R3HDM4: variants seen among roughly 807,000 people sequenced by gnomAD.
R3HDM4 encodes the protein R3H domain containing 4.
Under a neutral mutation model 31.3 loss-of-function variants are expected in R3HDM4, and 30 were observed. The observed-to-expected ratio is 0.96, with a 90% confidence interval of 0.72 to 1.30. The LOEUF (loss-of-function observed/expected upper bound fraction) is 1.30. Among genes scored for constraint, R3HDM4 ranks in the 50% most tolerant of loss-of-function variants. The pLI, the probability that R3HDM4 is intolerant of heterozygous loss-of-function variation, is 0.00. For missense variants in R3HDM4, 444 were observed against 366.1 expected (o/e 1.21, Z -1.74); for synonymous variants, 196 against 156.6 (o/e 1.25, Z -1.88).
chr19:897,331 A>T lies in R3HDM4; in HGVS notation c.*106T>A. Reference sequence around the variant, plus strand: ...TGAGAGAGACCACCCCAAGCGAAAAAGGTTTCCGAGGACAAATTCTAAAAA... The same window carrying T: ...TGAGAGAGACCACCCCAAGCGAAAATGGTTTCCGAGGACAAATTCTAAAAA... On this transcript the variant is annotated 3_prime_UTR_variant, in exon 8 of 8. Transcript: ENST00000361574. 1.2e-6 allele frequency: 1 copy of T among 858,886 alleles called. No homozygotes were observed. Among genetic ancestry groups the T allele is most frequent in the Non-Finnish European group, 1.8e-6 (1 of 564,634 alleles). The allele number at this position is 858,886 out of a possible 1,614,324, so 53.2% of individuals were successfully genotyped here.
intron 1 of R3HDM4, among the ~76,000 whole-genome samples, chr19:906,070 G>C (rs1236218779): frequency 6.6e-6 from 1 of 152,012 alleles, no homozygotes; most frequent in African/African-American, 2.4e-5. Flanking sequence ...TGTCACCCAG[G>C]CTGGAGCGCA....
chr19:897,587 G>A (rs374928863), intron 7 of R3HDM4, 47 bp from the exon 8 acceptor site: 107 of 1,479,052 alleles, frequency 7.2e-5, no homozygotes, highest in Admixed American at 2.1e-4. Flanking sequence ...TTTGGGAGCC[G>A]CGGCAGGTAG....
rs948719225 is a variant in R3HDM4, at chr19:899,138, T to C, written c.703+302A>G. Among the ~76,000 whole-genome samples, 1 of 151,404 alleles carries C rather than the reference T, an allele frequency of 6.6e-6. No individual in the cohort carries two copies. Among genetic ancestry groups the C allele is most frequent in the African/African-American group, 2.4e-5 (1 of 41,100 alleles). On this transcript the variant is annotated intron_variant, in intron 7 of 7. Coordinates refer to ENST00000361574, the MANE Select transcript of R3HDM4 (RefSeq NM_138774.4). The surrounding 1 kb of genome is among the most constrained non-coding windows in gnomAD (Gnocchi z 6.8). ...CCATCTTATCTCTGGCTCTGGGAGG[T>C]CCCTCAAATCCAGGCTTCATCACCC...
At chr19:898,852 C>A (rs2036781419) in intron 7 of R3HDM4, among the ~76,000 whole-genome samples, 1 of 152,184 alleles carries the variant, frequency 6.6e-6, no homozygotes, top group Non-Finnish European at 1.5e-5. Context: ...CAGAGGGAGG[C>A]ATCGTCCGGT....
intron 7 of R3HDM4, among the ~76,000 whole-genome samples, chr19:898,840 AAC>A: frequency 6.6e-6 from 1 of 152,200 alleles, no homozygotes; most frequent in South Asian, 2.1e-4. Flanking sequence ...CCACAGAGGG[AAC>A]AGAGGGAGGC....
At chr19:897,988 C>A (rs2036762920) in intron 7 of R3HDM4, among the ~76,000 whole-genome samples, 1 of 152,132 alleles carries the variant, frequency 6.6e-6, no homozygotes, top group Non-Finnish European at 1.5e-5. Context: ...AATGACCTGG[C>A]CAGGCGCAGT....
At chr19:898,884 G>A (rs1198289332) in intron 7 of R3HDM4, among the ~76,000 whole-genome samples, 3 of 152,240 alleles carry the variant, frequency 2.0e-5, no homozygotes, top group African/African-American at 4.8e-5. Context: ...CTGTCACCTC[G>A]GCAACTCCAG....
chr19:898,230 AT>A (rs66805635), intron 7 of R3HDM4, among the ~76,000 whole-genome samples: 30,071 of 123,914 alleles, frequency 0.24, 4,131 homozygotes, highest in African/African-American at 0.45. Context: ...AAAAAAAAAA[AT>A]ATATATATAT....
chr19:900,780 C>T (rs767581362), intron 4 of R3HDM4, 49 bp downstream of exon 4: 13 of 1,102,284 alleles, frequency 1.2e-5, no homozygotes, highest in East Asian at 9.2e-5. Flanking sequence ...AGGCCACGCC[C>T]CCATCCATAC....
intron 2 of R3HDM4, 75 bp downstream of exon 2, chr19:901,901 A>C (rs1226809736): frequency 6.4e-7 from 1 of 1,562,054 alleles, no homozygotes; most frequent in East Asian, 2.2e-5. Context: ...GGGAGGGGTA[A>C]CAGATAACAC....
rs773699614 is a variant in R3HDM4, at chr19:902,035, C to A, written c.167G>T (p.Arg56Leu). Reference sequence around the variant, plus strand: ...GGCCTTGGGCACGAGGTCTGAGTTCCGCACTGCCTGGTTGATGAAGTGCTG... The same window carrying A: ...GGCCTTGGGCACGAGGTCTGAGTTCAGCACTGCCTGGTTGATGAAGTGCTG... ...RKQHFINQAV[R>L]NSDLVPKAKG... The change falls in exon 2 of 8, where the codon CGG (arginine) becomes CTG (leucine). Residue 56 changes from arginine (R) to leucine (L), a missense_variant. Arg to Leu is a moderately radical substitution (Grantham distance 102). Coordinates refer to ENST00000361574, the MANE Select transcript of R3HDM4 (RefSeq NM_138774.4). 2 of 1,613,832 alleles carry A rather than the reference C, an allele frequency of 1.2e-6. No homozygotes were observed. The highest frequency in any genetic ancestry group is 2.2e-5 in the East Asian group (1 of 44,900).
rs138403017 is a variant in R3HDM4, at chr19:902,857, G to A, written c.72-727C>T. Among the ~76,000 whole-genome samples, 23 of 152,116 alleles carry A rather than the reference G, an allele frequency of 1.5e-4. No homozygotes were observed. In the East Asian group the frequency reaches 4.2e-3, roughly 28 times the overall value. ...CTCAGGAGGCTGAAGTGAGAGAATC[G>A]CTTGAACCCGGGAGGCAGATGCTCC... On this transcript the variant is annotated intron_variant, in intron 1 of 7. Transcript: ENST00000361574.
In R3HDM4 at chr19:913,210, G is replaced by C. The variant is rs1370274429; in HGVS notation, c.-53C>G. The C allele has an allele frequency of 2.9e-6, 3 of 1,050,928 alleles. No homozygotes were observed. The highest frequency in any genetic ancestry group is 3.4e-6 in the Non-Finnish European group (3 of 873,418). 65.1% of individuals were successfully genotyped at this position (1,050,928 alleles called of 1,614,324 possible). On this transcript the variant is annotated 5_prime_UTR_variant, in exon 1 of 8. Transcript: ENST00000361574. This position sits in a 1 kb window ranked among gnomAD's most constrained non-coding sequence, Gnocchi z 5.0. ...GCCCGGCAGGGCCTTCACCGGGCCG[G>C]GCAGGAAGTGACGGGCGCCCGGAGG...
In R3HDM4 at chr19:899,909, G is replaced by A. The variant is rs1310599622; in HGVS notation, c.561+152C>T. The stretch of plus-strand genomic sequence containing the variant: ...TGCAGTGCCCGCCTTCGTTGCCCCC[G>A]CCCTCCTACTCAGGGCCCTGGTGCC... On this transcript the variant is annotated intron_variant, in intron 5 of 7. Coordinates refer to ENST00000361574, the MANE Select transcript of R3HDM4 (RefSeq NM_138774.4). The surrounding 1 kb of genome is among the most constrained non-coding windows in gnomAD (Gnocchi z 6.8). The A allele has an allele frequency of 2.4e-5, 21 of 857,830 alleles. No homozygotes were observed. Among genetic ancestry groups the A allele is most frequent in the Middle Eastern group, 2.6e-4 (1 of 3,856 alleles). 53.1% of individuals were successfully genotyped at this position (857,830 alleles called of 1,614,324 possible). A position where few individuals can be genotyped will look rare whatever the true frequency, so the allele number is the denominator to read the frequency against.
In R3HDM4 at chr19:900,289, T is replaced by C. The variant is rs992440854; in HGVS notation, c.476-143A>G. On this transcript the variant is annotated intron_variant, in intron 4 of 7. Coordinates refer to ENST00000361574, the MANE Select transcript of R3HDM4 (RefSeq NM_138774.4). ...CACCAAACCACACCTTCAACGATAC[T>C]GTGGCCCCATCCAGCCAGCAGACCC... 10 of 620,978 alleles carry C rather than the reference T, an allele frequency of 1.6e-5. No homozygotes were observed. In the Admixed American group the frequency reaches 2.0e-4, roughly 12 times the overall value. 38.5% of individuals were successfully genotyped at this position (620,978 alleles called of 1,614,324 possible). A position where few individuals can be genotyped will look rare whatever the true frequency, so the allele number is the denominator to read the frequency against.
In R3HDM4 at chr19:900,955, G is replaced by A; in HGVS notation, c.352-3C>T. On this transcript the variant is annotated splice_polypyrimidine_tract_variant and splice_region_variant and intron_variant, in intron 3 of 7. Coordinates refer to ENST00000361574, the MANE Select transcript of R3HDM4 (RefSeq NM_138774.4). ...CGGTTCATGAAATCGTTCCAGACCTGGAAGAGAGGCAGGGAGGCAGGCTTG... is the reference window on the plus strand; with the variant it reads ...CGGTTCATGAAATCGTTCCAGACCTAGAAGAGAGGCAGGGAGGCAGGCTTG... The A allele has an allele frequency of 6.3e-7, 1 of 1,581,674 alleles. No individual in the cohort carries two copies. The highest frequency in any genetic ancestry group is 8.6e-7 in the Non-Finnish European group (1 of 1,163,790).
chr19:898,613 A>C (rs1451103492), intron 7 of R3HDM4, among the ~76,000 whole-genome samples: 1 of 146,412 alleles, frequency 6.8e-6, no homozygotes, highest in African/African-American at 2.5e-5. Flanking sequence ...ACCAAACCTA[A>C]CCAACCAAAA....
chr19:897,784 C>T (rs983465538), intron 7 of R3HDM4, among the ~76,000 whole-genome samples: 6 of 152,250 alleles, frequency 3.9e-5, no homozygotes, highest in African/African-American at 1.4e-4. Flanking sequence ...GGCACTCATT[C>T]CACTGTGCGG....
intron 1 of R3HDM4, chr19:902,714 G>C (rs1471317827): frequency 6.6e-6 from 1 of 152,610 alleles, no homozygotes; most frequent in Non-Finnish European, 1.5e-5. Context: ...AAGGTGGGTG[G>C]ATCACTTGAG....
Sources: allele counts gnomAD v4.1 joint callset (sites outside exome capture counted in the v4.1 genomes callset), GRCh38; gene constraint gnomAD v4.1.1; non-coding constraint Gnocchi (gnomAD v3.1); transcripts MANE v1.5; gene names NCBI Gene and HGNC (gene_info 2026-07-23, HGNC 2026-07-21).